The following EHBP1 variants were observed in gnomAD, a reference collection of about 807,000 sequenced individuals.
EHBP1 encodes EH domain binding protein 1.
EHBP1 carries 55 observed loss-of-function variants against 144.0 expected under a neutral mutation model. The observed-to-expected ratio is 0.38, with a 90% CI of 0.31 to 0.48. The LOEUF (loss-of-function observed/expected upper bound fraction) is 0.48, where lower values mean the gene tolerates loss of function less well. EHBP1 is among the 20% of genes least tolerant of loss of function. The pLI, the probability that EHBP1 is intolerant of heterozygous loss-of-function variation, is 0.98. For missense variants in EHBP1, 1,200 were observed against 1,364.2 expected, an observed-to-expected ratio of 0.88 and a Z score of 1.90; for synonymous variants, 469 against 472.7, an observed-to-expected ratio of 0.99 and a Z score of 0.10.
intron 14 of EHBP1, among the ~76,000 whole-genome samples, chr2:62,970,714 T>C (rs1229054967): frequency 1.3e-5 from 2 of 152,146 alleles, no homozygotes; most frequent in South Asian, 2.1e-4. Context: ...ATCCAAAGGC[T>C]GCTGAAAGAA....
chr2:62,986,304 C>G (rs535001053), intron 15 of EHBP1, among the ~76,000 whole-genome samples: 2 of 152,272 alleles, frequency 1.3e-5, no homozygotes, highest in African/African-American at 4.8e-5. Context: ...AAAGATCTCA[C>G]AGGTGATTGT....
chr2:62,737,364 C>T (rs1022091661), intron 2 of EHBP1, among the ~76,000 whole-genome samples: 20 of 152,120 alleles, frequency 1.3e-4, no homozygotes, highest in Admixed American at 7.2e-4. Flanking sequence ...CCCTTTCCCC[C>T]GCGACTGGGT....
At chr2:62,778,553 A>AG (rs2042199980) in intron 5 of EHBP1, among the ~76,000 whole-genome samples, 1 of 151,976 alleles carries the variant, frequency 6.6e-6, no homozygotes, top group African/African-American at 2.4e-5. Context: ...AAAAAAAAAA[A>AG]AAAAAAATCC....
intron 14 of EHBP1, among the ~76,000 whole-genome samples, chr2:62,978,834 A>T (rs1380257239): frequency 1.3e-5 from 2 of 152,214 alleles, no homozygotes; most frequent in Non-Finnish European, 2.9e-5. Flanking sequence ...AAGTTAAATT[A>T]TATTCTTAAA....
intron 19 of EHBP1, among the ~76,000 whole-genome samples, chr2:63,020,323 CAAAA>C (rs1001418542): frequency 2.2e-5 from 1 of 45,280 alleles, no homozygotes. Flanking sequence ...GACTCTGTCT[CAAAA>C]AAAAAAAAAA....
At chr2:63,021,960 G>A (rs921186425) in intron 19 of EHBP1, among the ~76,000 whole-genome samples, 9 of 152,004 alleles carry the variant, frequency 5.9e-5, no homozygotes, top group African/African-American at 2.2e-4. Flanking sequence ...TAGAGACGGG[G>A]TTTCACTATG....
At chr2:62,994,052 T>TATCTTCC (rs2059531527) in intron 18 of EHBP1, 75 bp downstream of exon 18, 1 of 1,041,390 alleles carries the variant, frequency 9.6e-7, no homozygotes, top group Non-Finnish European at 1.4e-6. Context: ...CCTTTATTTG[T>TATCTTCC]TAAAATGAGA....
At chr2:62,870,431 C>G (rs1010786008) in intron 9 of EHBP1, among the ~76,000 whole-genome samples, 1 of 151,992 alleles carries the variant, frequency 6.6e-6, no homozygotes, top group Non-Finnish European at 1.5e-5. Context: ...TATTTTGAGA[C>G]TAGCCAGGTG....
At chr2:62,937,071 C>T (rs759533126) in intron 10 of EHBP1, among the ~76,000 whole-genome samples, 1 of 152,144 alleles carries the variant, frequency 6.6e-6, no homozygotes, top group African/African-American at 2.4e-5. Flanking sequence ...CAGAAAGACT[C>T]TTGAAGTTGA....
intron 10 of EHBP1, among the ~76,000 whole-genome samples, chr2:62,881,106 T>C (rs570361439): frequency 6.6e-6 from 1 of 152,162 alleles, no homozygotes; most frequent in East Asian, 1.9e-4. Flanking sequence ...TGGATGGAGC[T>C]GGAGGCCATT....
chr2:63,005,453 C>T (rs1046598475), intron 19 of EHBP1, among the ~76,000 whole-genome samples: 1 of 152,052 alleles, frequency 6.6e-6, no homozygotes, highest in African/African-American at 2.4e-5. Context: ...TTCTAGAGTT[C>T]TCTCAGGGTC....
chr2:62,927,067 A>G (rs749112299), intron 10 of EHBP1, among the ~76,000 whole-genome samples: 1 of 152,244 alleles, frequency 6.6e-6, no homozygotes, highest in Non-Finnish European at 1.5e-5. Context: ...GGATGATATT[A>G]TGTTATCTGT....
chr2:62,975,026 A>G (rs1200016274), intron 14 of EHBP1, among the ~76,000 whole-genome samples: 4 of 152,202 alleles, frequency 2.6e-5, no homozygotes, highest in Admixed American at 2.6e-4. Context: ...TGTCTGAGAC[A>G]TCAGCTAGGA....
chr2:62,943,972 C>A, intron 12 of EHBP1, 122 bp downstream of exon 12: 1 of 607,614 alleles, frequency 1.6e-6, no homozygotes, highest in Non-Finnish European at 2.8e-6. Context: ...AGAGGGTTGT[C>A]TGCTTACTGC....
At chr2:62,799,988 A>G (rs1224556650) in intron 5 of EHBP1, among the ~76,000 whole-genome samples, 1 of 152,252 alleles carries the variant, frequency 6.6e-6, no homozygotes, top group East Asian at 1.9e-4. Flanking sequence ...TACTCGTGGT[A>G]GAAAGCAAAG....
intron 10 of EHBP1, among the ~76,000 whole-genome samples, chr2:62,899,353 T>TA (rs2053213423): frequency 6.6e-6 from 1 of 152,194 alleles, no homozygotes; most frequent in Non-Finnish European, 1.5e-5. Flanking sequence ...TGTCTCAAGG[T>TA]ACAAGACATA....
intron 8 of EHBP1, among the ~76,000 whole-genome samples, chr2:62,861,806 C>A (rs1382713963): frequency 1.3e-5 from 2 of 151,278 alleles, no homozygotes; most frequent in Admixed American, 1.3e-4. Context: ...CCTATTCTAG[C>A]ATCTTCAAAT....
intron 5 of EHBP1, among the ~76,000 whole-genome samples, chr2:62,815,927 T>C (rs532563019): frequency 2.6e-5 from 4 of 152,332 alleles, no homozygotes; most frequent in African/African-American, 9.6e-5. Context: ...GATAAAAGAT[T>C]CATTCAGTAT....
chr2:62,840,726 A>G (rs1287401336), intron 7 of EHBP1, among the ~76,000 whole-genome samples: 33 of 151,272 alleles, frequency 2.2e-4, no homozygotes, highest in Middle Eastern at 3.4e-3. Flanking sequence ...GCAGCCAAAA[A>G]ACACATGAAA....
Sources: allele counts gnomAD v4.1 joint callset (sites outside exome capture counted in the v4.1 genomes callset), GRCh38; gene constraint gnomAD v4.1.1; transcripts MANE v1.5; gene names NCBI Gene and HGNC (gene_info 2026-07-23, HGNC 2026-07-21).